BIN1: variants seen among roughly 807,000 people sequenced by gnomAD.
The protein encoded by BIN1 is bridging integrator 1.
A neutral mutation model predicts 82.0 loss-of-function variants in BIN1; 53 were observed. That is an observed-to-expected ratio of 0.65 (90% CI 0.52 to 0.81). The LOEUF (loss-of-function observed/expected upper bound fraction) is 0.81. Ranked by LOEUF, BIN1 falls within the 40% of genes least tolerant of loss-of-function variation. The pLI is 0.00. For missense variants in BIN1, 642 were observed against 784.4 expected (o/e 0.82, Z 2.17); for synonymous variants, 302 against 328.0 (o/e 0.92, Z 0.86).
In BIN1 at chr2:127,068,130, G is replaced by A. The variant is rs555514858; in HGVS notation, c.612+33C>T. 2.0e-4 allele frequency: 324 copies of A among 1,596,714 alleles called. 2 individuals carry two copies. The South Asian group carries it at 2.5e-3, about 12-fold the overall frequency. ...AGGACAGGACGACAGACCGGAAGGCGCCAGCACGTGCAAGGTTAGAAGCCA... is the reference window on the plus strand; with the variant it reads ...AGGACAGGACGACAGACCGGAAGGCACCAGCACGTGCAAGGTTAGAAGCCA... On this transcript the variant is annotated intron_variant, in intron 7 of 18. Transcript: ENST00000316724. The surrounding 1 kb of genome is among the most constrained non-coding windows in gnomAD (Gnocchi z 4.9).
At chr2:127,077,384 C>T (rs955223787) in intron 1 of BIN1, among the ~76,000 whole-genome samples, 4 of 152,188 alleles carry the variant, frequency 2.6e-5, no homozygotes, top group Non-Finnish European at 5.9e-5. Context: ...TGCTCCCAAC[C>T]ATGAGTCTCA....
intron 2 of BIN1, among the ~76,000 whole-genome samples, chr2:127,074,142 C>A (rs771885057): frequency 6.6e-5 from 10 of 152,090 alleles, no homozygotes; most frequent in Non-Finnish European, 2.9e-5. Context: ...CTCACAGAAT[C>A]AGAGGCAAGA....
At chr2:127,063,151 C>T (rs1243477727) in intron 9 of BIN1, among the ~76,000 whole-genome samples, 1 of 152,138 alleles carries the variant, frequency 6.6e-6, no homozygotes, top group Non-Finnish European at 1.5e-5. Context: ...TTCACGCAGA[C>T]GAAACAGGCC....
chr2:127,081,410 G>A (rs1028248305), intron 1 of BIN1, among the ~76,000 whole-genome samples: 2 of 152,198 alleles, frequency 1.3e-5, no homozygotes, highest in African/African-American at 2.4e-5. Context: ...CCGGGTCTTC[G>A]GGCTCACCCG....
intron 1 of BIN1, among the ~76,000 whole-genome samples, chr2:127,097,788 C>A (rs536117270): frequency 6.6e-6 from 1 of 152,212 alleles, no homozygotes; most frequent in East Asian, 1.9e-4. Context: ...GCCCGCCTCA[C>A]CCAAGGGCCC....
chr2:127,107,078 C>A lies in BIN1; in HGVS notation c.-135G>T. The A allele has an allele frequency of 1.1e-6, 1 of 936,880 alleles. No homozygotes were observed. The highest frequency in any genetic ancestry group is 1.4e-6 in the Non-Finnish European group (1 of 697,344). 58.0% of individuals were successfully genotyped at this position (936,880 alleles called of 1,614,324 possible). A position where few individuals can be genotyped will look rare whatever the true frequency, so the allele number is the denominator to read the frequency against. ...CACGCCGCGCACCCGACAGCGGAGC[C>A]AACTGACGGAGGCGGAGCGTGCGCC... is the stretch of plus-strand genomic sequence containing the variant. On this transcript the variant is annotated 5_prime_UTR_variant, in exon 1 of 19. Coordinates refer to ENST00000316724, the MANE Select transcript of BIN1 (RefSeq NM_139343.3). This position sits in a 1 kb window ranked among gnomAD's most constrained non-coding sequence, Gnocchi z 5.9.
intron 1 of BIN1, among the ~76,000 whole-genome samples, chr2:127,105,320 G>T (rs946301943): frequency 2.6e-5 from 4 of 152,132 alleles, no homozygotes; most frequent in African/African-American, 9.7e-5. Context: ...AGCAGGCTCT[G>T]GCCCAGGGCT....
chr2:127,088,438 CA>C (rs1678467487), intron 1 of BIN1, among the ~76,000 whole-genome samples: 1 of 152,080 alleles, frequency 6.6e-6, no homozygotes, highest in East Asian at 1.9e-4. Context: ...AGCCTCCGAA[CA>C]AAAATGCAGC....
Position 127,049,052 on chromosome 2 carries a change from G to T in BIN1, c.1675-419C>A, listed in dbSNP as rs750758489. On this transcript the variant is annotated intron_variant, in intron 18 of 18. Transcript: ENST00000316724. ...TCGACTTGCCCTTTGCTTCAATCCT[G>T]ACACCCGCAGGGCCTTCTCTGGGAG... is the stretch of plus-strand genomic sequence containing the variant. Among the ~76,000 whole-genome samples the T allele has an allele frequency of 5.9e-5, 9 of 152,204 alleles. No individual in the cohort carries two copies. In the South Asian group the frequency reaches 1.0e-3, roughly 17 times the overall value.
intron 1 of BIN1, among the ~76,000 whole-genome samples, chr2:127,080,382 C>T (rs1236122385): frequency 1.3e-5 from 2 of 152,210 alleles, no homozygotes; most frequent in Non-Finnish European, 2.9e-5. Context: ...CTAAGGAAAG[C>T]TGGGCAGGAC....
chr2:127,101,009 G>GC (rs1680278891), intron 1 of BIN1, among the ~76,000 whole-genome samples: 4 of 138,704 alleles, frequency 2.9e-5, no homozygotes, highest in African/African-American at 1.1e-4. Flanking sequence ...CGGGGGGTGG[G>GC]GATAGACTCA....
intron 1 of BIN1, among the ~76,000 whole-genome samples, chr2:127,098,389 C>T (rs915537383): frequency 2.0e-5 from 3 of 152,292 alleles, no homozygotes; most frequent in Non-Finnish European, 2.9e-5. Flanking sequence ...AGCCACCAGA[C>T]ACTGCGGCCT....
chr2:127,087,383 G>C (rs183458315), intron 1 of BIN1, among the ~76,000 whole-genome samples: 1 of 152,172 alleles, frequency 6.6e-6, no homozygotes, highest in Admixed American at 6.5e-5. Flanking sequence ...CCCCCTCCCC[G>C]TCCTCTCTCT....
intron 11 of BIN1, among the ~76,000 whole-genome samples, chr2:127,058,729 A>G (rs1043637984): frequency 9.3e-5 from 14 of 150,570 alleles, no homozygotes; most frequent in African/African-American, 3.4e-4. Flanking sequence ...ATGGAGAAAG[A>G]GTCAAGCAGA....
intron 1 of BIN1, among the ~76,000 whole-genome samples, chr2:127,084,911 A>C (rs1558863112): frequency 6.6e-6 from 1 of 152,170 alleles, no homozygotes; most frequent in South Asian, 2.1e-4. Flanking sequence ...CAGCCCAGGG[A>C]AACTCTCTTC....
chr2:127,055,091 G>A (rs1322247321), intron 12 of BIN1: 1 of 152,270 alleles, frequency 6.6e-6, no homozygotes, highest in Admixed American at 6.5e-5. Context: ...AGGCAGTGCT[G>A]GAAGAACTCC....
intron 1 of BIN1, chr2:127,081,923 G>A (rs563610975): frequency 9.0e-5 from 114 of 1,262,306 alleles, no homozygotes; most frequent in Non-Finnish European, 1.1e-4. Flanking sequence ...CAGAGCCTGC[G>A]GTCGGGGGCC....
chr2:127,076,226 C>T (rs1371558263), intron 2 of BIN1, among the ~76,000 whole-genome samples: 1 of 152,160 alleles, frequency 6.6e-6, no homozygotes, highest in Non-Finnish European at 1.5e-5. Context: ...AGCAGATGCC[C>T]AAATCAAACC....
At chr2:127,065,093 C>G (rs974457575) in intron 7 of BIN1, among the ~76,000 whole-genome samples, 1 of 152,202 alleles carries the variant, frequency 6.6e-6, no homozygotes, top group Non-Finnish European at 1.5e-5. Flanking sequence ...CCACAAAGCA[C>G]ACGATTGCCC....
Sources: gnomAD v4.1 joint callset for allele counts (sites outside exome capture counted in the v4.1 genomes callset) on GRCh38, gnomAD v4.1.1 for gene constraint, Gnocchi (gnomAD v3.1) non-coding constraint, MANE v1.5 for transcripts, NCBI Gene and HGNC (gene_info 2026-07-23, HGNC 2026-07-21) for gene names.